The following ABAT variants were observed in gnomAD, a reference collection of about 807,000 sequenced individuals.
ABAT encodes the protein 4-aminobutyrate aminotransferase, also known as 4-aminobutyrate aminotransferase, mitochondrial.
ABAT carries 45 observed loss-of-function variants against 64.6 expected under a neutral mutation model. That is an observed-to-expected ratio of 0.70 (90% confidence interval 0.55 to 0.89). ABAT has a LOEUF of 0.89. Among genes scored for constraint, ABAT ranks in the 40% least tolerant of loss-of-function variants. The probability of loss-of-function intolerance (pLI) is 0.00; values close to 1 mark genes in which losing one functional copy is unlikely to be tolerated. For missense variants in ABAT, 633 were observed against 658.4 expected (o/e 0.96, Z 0.42); for synonymous variants, 297 against 250.5 (o/e 1.19, Z -1.75).
intron 1 of ABAT, among the ~76,000 whole-genome samples, chr16:8,724,746 C>CAAAAA (rs869130725): frequency 4.6e-4 from 3 of 6,588 alleles, no homozygotes; most frequent in Non-Finnish European, 7.5e-4. Flanking sequence ...AAAAAAAAAA[C>CAAAAA]AAAAAAAAAA....
intron 1 of ABAT, among the ~76,000 whole-genome samples, chr16:8,723,725 G>A (rs1017783481): frequency 1.3e-5 from 2 of 149,398 alleles, no homozygotes; most frequent in African/African-American, 2.5e-5. Flanking sequence ...TACAAATCAG[G>A]AAACTGAGGC....
At position 8,776,199 on chromosome 16, in the gene ABAT, G is replaced by C; in HGVS notation, c.1123-145G>C. The C allele has an allele frequency of 9.2e-7, 1 of 1,086,236 alleles. No homozygotes were observed. The highest frequency in any genetic ancestry group is 1.4e-6 in the Non-Finnish European group (1 of 728,132). The allele number at this position is 1,086,236 out of a possible 1,614,324, so 67.3% of individuals were successfully genotyped here. A position where few individuals can be genotyped will look rare whatever the true frequency, so the allele number is the denominator to read the frequency against. On this transcript the variant is annotated intron_variant, in intron 13 of 15. Coordinates refer to ENST00000268251, the MANE Select transcript of ABAT (RefSeq NM_020686.6). This position sits in a 1 kb window ranked among gnomAD's most constrained non-coding sequence, Gnocchi z 4.4. Reference sequence around the variant, plus strand: ...GGTAGAGAAGAATTCAGCGAGATTGGGTGTGTTCCCCTGCCAGCCTCTGGT... The same window carrying C: ...GGTAGAGAAGAATTCAGCGAGATTGCGTGTGTTCCCCTGCCAGCCTCTGGT...
At chr16:8,740,894 T>A (rs565061497) in intron 2 of ABAT, among the ~76,000 whole-genome samples, 186 of 152,286 alleles carry the variant, frequency 1.2e-3, no homozygotes, top group Non-Finnish European at 1.9e-3. Context: ...ATAAAAAAAA[T>A]TTTTTAACAG....
intron 1 of ABAT, chr16:8,720,873 T>C (rs1342733107): frequency 6.6e-6 from 1 of 152,258 alleles, no homozygotes; most frequent in Non-Finnish European, 1.5e-5. Flanking sequence ...GGTCCATTTC[T>C]AGCCGATGAT....
Position 8,771,960 on chromosome 16 carries a change from G to A in ABAT, c.817-820G>A, listed in dbSNP as rs914952563. 4.6e-5 allele frequency among the ~76,000 whole-genome samples: 7 copies of A among 151,716 alleles called. No homozygotes were observed. In the East Asian group the frequency reaches 7.8e-4, roughly 17 times the overall value. On this transcript the variant is annotated intron_variant, in intron 11 of 15. Coordinates refer to ENST00000268251, the MANE Select transcript of ABAT (RefSeq NM_020686.6). ...TCTAAATGTTTTGCAGACATGAACC[G>A]CGCTATGTTGCACAGGCTGGTCTCA...
chr16:8,770,352 T>A (rs971895652), intron 11 of ABAT, among the ~76,000 whole-genome samples: 4 of 152,220 alleles, frequency 2.6e-5, no homozygotes, highest in Non-Finnish European at 4.4e-5. Context: ...TTAGCCAGGA[T>A]GGTCTCGATC....
At chr16:8,749,431 C>G (rs1280892990) in intron 4 of ABAT, among the ~76,000 whole-genome samples, 1 of 96,266 alleles carries the variant, frequency 1.0e-5, no homozygotes, top group Non-Finnish European at 1.9e-5. Context: ...TGAAGTCTCA[C>G]TCTGTCTCCC....
chr16:8,764,462 C>A lies in ABAT; in HGVS notation c.448-276C>A, dbSNP rs558543857. ...AAAGCCATTGGGAGCCTCAACGTCC[C>A]GCCTGGAACGTGTAGGTGTCTTAGA... On this transcript the variant is annotated intron_variant, in intron 7 of 15. Transcript: ENST00000268251. The surrounding 1 kb of genome is among the most constrained non-coding windows in gnomAD (Gnocchi z 4.2). Among the ~76,000 whole-genome samples the A allele has an allele frequency of 6.6e-6, 1 of 152,204 alleles. No homozygotes were observed. Among genetic ancestry groups the A allele is most frequent in the African/African-American group, 2.4e-5 (1 of 41,460 alleles).
chr16:8,714,402 A>C (rs868299366), intron 1 of ABAT, among the ~76,000 whole-genome samples: 1 of 152,238 alleles, frequency 6.6e-6, no homozygotes, highest in African/African-American at 2.4e-5. Flanking sequence ...TAGAGTTTGC[A>C]GTGAGAATCT....
chr16:8,764,460 C>T lies in ABAT; in HGVS notation c.448-278C>T, dbSNP rs1205518023. 6.6e-6 allele frequency among the ~76,000 whole-genome samples: 1 copy of T among 152,168 alleles called. No individual in the cohort carries two copies. Among genetic ancestry groups the T allele is most frequent in the Non-Finnish European group, 1.5e-5 (1 of 68,034 alleles). On this transcript the variant is annotated intron_variant, in intron 7 of 15. Coordinates refer to ENST00000268251, the MANE Select transcript of ABAT (RefSeq NM_020686.6). This position sits in a 1 kb window ranked among gnomAD's most constrained non-coding sequence, Gnocchi z 4.2. ...TTAAAGCCATTGGGAGCCTCAACGT[C>T]CCGCCTGGAACGTGTAGGTGTCTTA...
At position 8,772,827 on chromosome 16, in the gene ABAT, C is replaced by T. The variant is rs149855547; in HGVS notation, c.864C>T (p.Ala288=). ...ATCGGAAAAAGAAGAAGACGGTGGCCGGGATCATCGTGGAGCCCATCCAGT... is the reference window on the plus strand; with the variant it reads ...ATCGGAAAAAGAAGAAGACGGTGGCTGGGATCATCGTGGAGCCCATCCAGT... The part of the protein sequence containing the change: ...VKYRKKKKTV[A]GIIVEPIQSE... The change falls in exon 12 of 16, where the codon GCC becomes GCT. Residue 288 remains alanine (A), a synonymous_variant. Transcript: ENST00000268251. The T allele has an allele frequency of 2.0e-4, 322 of 1,614,008 alleles. 1 individual carries two copies. The East Asian group carries it at 4.8e-3, about 24-fold the overall frequency.
chr16:8,721,203 A>G (rs1289169053), intron 1 of ABAT, among the ~76,000 whole-genome samples: 1 of 152,116 alleles, frequency 6.6e-6, no homozygotes, highest in Non-Finnish European at 1.5e-5. Context: ...AGGATGCAAG[A>G]TTGGGGAGAT....
intron 15 of ABAT, among the ~76,000 whole-genome samples, chr16:8,779,853 T>A (rs1162462782): frequency 2.0e-5 from 3 of 152,142 alleles, no homozygotes; most frequent in Non-Finnish European, 4.4e-5. Context: ...ATGAAGACCA[T>A]CAGAGCCCCT....
At position 8,779,979 on chromosome 16, in the gene ABAT, T is replaced by C. The variant is rs117612896; in HGVS notation, c.1381+389T>C. ...GAGAAAACGCAGCTAAGAGAGCAGATAGCTGCAGCAGTTGGTGAGGGTAGG... is the reference window on the plus strand; with the variant it reads ...GAGAAAACGCAGCTAAGAGAGCAGACAGCTGCAGCAGTTGGTGAGGGTAGG... On this transcript the variant is annotated intron_variant, in intron 15 of 15. Coordinates refer to ENST00000268251, the MANE Select transcript of ABAT (RefSeq NM_020686.6). 2.6e-4 allele frequency among the ~76,000 whole-genome samples: 40 copies of C among 152,274 alleles called. No homozygotes were observed. The East Asian group carries it at 5.4e-3, about 21-fold the overall frequency.
intron 4 of ABAT, 136 bp from the exon 5 acceptor site, chr16:8,750,286 G>C: frequency 1.3e-6 from 1 of 790,142 alleles, no homozygotes. Context: ...GAAATACATT[G>C]CTGGCACCCA....
intron 1 of ABAT, among the ~76,000 whole-genome samples, chr16:8,705,115 A>G (rs764691508): frequency 2.0e-5 from 3 of 152,096 alleles, no homozygotes; most frequent in East Asian, 1.9e-4. Flanking sequence ...TCACACTACT[A>G]TAAAGATACT....
At chr16:8,740,335 G>A (rs1329558822) in intron 2 of ABAT, among the ~76,000 whole-genome samples, 1 of 152,192 alleles carries the variant, frequency 6.6e-6, no homozygotes, top group Non-Finnish European at 1.5e-5. Context: ...CTGGCTCAAG[G>A]TCTGTCATGA....
intron 1 of ABAT, among the ~76,000 whole-genome samples, chr16:8,690,059 T>C (rs1184793430): frequency 6.6e-6 from 1 of 152,210 alleles, no homozygotes; most frequent in Non-Finnish European, 1.5e-5. Context: ...GAGAAGAATG[T>C]GTATGGCAAC....
intron 14 of ABAT, among the ~76,000 whole-genome samples, chr16:8,778,257 TCA>T (rs796426219): frequency 6.6e-6 from 1 of 152,330 alleles, no homozygotes; most frequent in East Asian, 1.9e-4. Context: ...ATTTATTCTC[TCA>T]CAGTTTGGAG....
Sources: allele counts gnomAD v4.1 joint callset (sites outside exome capture counted in the v4.1 genomes callset), GRCh38; gene constraint gnomAD v4.1.1; non-coding constraint Gnocchi (gnomAD v3.1); transcripts MANE v1.5; gene names NCBI Gene and HGNC (gene_info 2026-07-23, HGNC 2026-07-21).